DPYS: variants seen among roughly 807,000 people sequenced by gnomAD.
DPYS encodes dihydropyrimidinase, also known as dihydropyrimidine amidohydrolase.
A neutral mutation model predicts 50.3 loss-of-function variants in DPYS; 39 were observed. The observed-to-expected ratio is 0.78, with a 90% CI of 0.60 to 1.01. The LOEUF (loss-of-function observed/expected upper bound fraction) is 1.01. DPYS is among the 50% of genes least tolerant of loss of function. The pLI, the probability that DPYS is intolerant of heterozygous loss-of-function variation, is 0.00. For synonymous variants in DPYS, 245 were observed against 250.7 expected, an observed-to-expected ratio of 0.98 and a Z score of 0.22; for missense variants, 659 against 680.9, an observed-to-expected ratio of 0.97 and a Z score of 0.36.
At chr8:104,420,232 A>T (rs1812498671) in intron 7 of DPYS, 2 of 152,134 alleles carry the variant, frequency 1.3e-5, no homozygotes, top group African/African-American at 4.8e-5. Context: ...GGACAGTTAG[A>T]AAAGGCTAAA....
intron 8 of DPYS, among the ~76,000 whole-genome samples, chr8:104,388,075 T>A (rs749341249): frequency 9.9e-5 from 15 of 152,208 alleles, no homozygotes; most frequent in Non-Finnish European, 1.9e-4. Flanking sequence ...AAATTAGGAT[T>A]ATATGGCAAG....
At chr8:104,448,092 A>G (rs1037729668) in intron 2 of DPYS, among the ~76,000 whole-genome samples, 4 of 151,974 alleles carry the variant, frequency 2.6e-5, no homozygotes, top group African/African-American at 9.7e-5. Context: ...TTGGAAGCTC[A>G]GAGGCCTTCA....
chr8:104,422,978 CT>C (rs1224208734), intron 7 of DPYS, among the ~76,000 whole-genome samples: 1 of 152,190 alleles, frequency 6.6e-6, no homozygotes, highest in Non-Finnish European at 1.5e-5. Context: ...ATTTTTCTAG[CT>C]TTGTAGAGAA....
chr8:104,416,100 A>G (rs778489667), intron 7 of DPYS, among the ~76,000 whole-genome samples: 10 of 152,220 alleles, frequency 6.6e-5, no homozygotes, highest in Non-Finnish European at 1.3e-4. Flanking sequence ...AAATTAAATG[A>G]TATACCCAAG....
intron 8 of DPYS, among the ~76,000 whole-genome samples, chr8:104,383,396 C>T (rs1349697326): frequency 1.3e-5 from 2 of 152,310 alleles, no homozygotes; most frequent in African/African-American, 4.8e-5. Context: ...TCTCCCCCAG[C>T]AGACAGAGGG....
intron 6 of DPYS, among the ~76,000 whole-genome samples, chr8:104,424,763 G>C (rs957203154): frequency 6.6e-6 from 1 of 151,414 alleles, no homozygotes; most frequent in East Asian, 1.9e-4. Context: ...ACAGACCTAA[G>C]ATTTATGAGA....
intron 1 of DPYS, among the ~76,000 whole-genome samples, chr8:104,461,835 C>A (rs1814183306): frequency 1.3e-5 from 2 of 151,926 alleles, no homozygotes; most frequent in African/African-American, 4.8e-5. Context: ...AATGAGGCCA[C>A]AAAATCACAT....
intron 1 of DPYS, among the ~76,000 whole-genome samples, chr8:104,453,002 A>AG (rs1390922951): frequency 6.6e-6 from 1 of 152,098 alleles, no homozygotes; most frequent in Non-Finnish European, 1.5e-5. Context: ...ACAACACAGG[A>AG]GGGGGCAGTG....
Position 104,451,256 on chromosome 8 carries a change from C to G in DPYS, c.413G>C (p.Trp138Ser). ...DYSLHVAVTW[W>S]SDQVKEEMKI... is the part of the protein sequence containing the mutation. ...ATCCAGGTGCTTTACCTGGTCACTCCACCACGTCACTGCCACATGAAGGCT... is the reference window on the plus strand; with the variant it reads ...ATCCAGGTGCTTTACCTGGTCACTCGACCACGTCACTGCCACATGAAGGCT... Residue 138 changes from tryptophan to serine, a missense_variant, in exon 2 of 10, where the codon TGG becomes TCG. Physicochemically the swap from Trp to Ser is radical, Grantham distance 177. Transcript: ENST00000351513. 6.2e-7 allele frequency: 1 copy of G among 1,613,912 alleles called. No homozygotes were observed.
intron 2 of DPYS, among the ~76,000 whole-genome samples, chr8:104,450,176 A>AGGG (rs397798759): frequency 5.0e-4 from 73 of 147,404 alleles, no homozygotes; most frequent in African/African-American, 1.6e-3. Flanking sequence ...GGAGGGAGGG[A>AGGG]AAAGAAGAAG....
intron 4 of DPYS, among the ~76,000 whole-genome samples, chr8:104,436,120 G>C (rs980261454): frequency 6.6e-6 from 1 of 152,148 alleles, no homozygotes; most frequent in Non-Finnish European, 1.5e-5. Context: ...AAGCTGTCCA[G>C]TGACTATGCC....
intron 4 of DPYS, among the ~76,000 whole-genome samples, chr8:104,432,981 G>A (rs1377097913): frequency 1.3e-5 from 2 of 152,140 alleles, no homozygotes; most frequent in Non-Finnish European, 2.9e-5. Context: ...TTTAAAGTGA[G>A]GTCATTAGGG....
At chr8:104,450,073 C>T (rs1375535813) in intron 2 of DPYS, among the ~76,000 whole-genome samples, 1 of 147,034 alleles carries the variant, frequency 6.8e-6, no homozygotes, top group Non-Finnish European at 1.5e-5. Context: ...CACCTTTGCT[C>T]CATCTTATAA....
chr8:104,427,798 T>C (rs1484269242), intron 6 of DPYS, among the ~76,000 whole-genome samples, 182 bp downstream of exon 6: 1 of 152,238 alleles, frequency 6.6e-6, no homozygotes, highest in Non-Finnish European at 1.5e-5. Context: ...ATTATTTCTT[T>C]GCTGATGCTA....
chr8:104,403,370 C>A (rs994158410), intron 7 of DPYS, among the ~76,000 whole-genome samples: 2 of 152,184 alleles, frequency 1.3e-5, no homozygotes, highest in Non-Finnish European at 2.9e-5. Context: ...AGATTCCATT[C>A]CTTGGAATCC....
intron 7 of DPYS, among the ~76,000 whole-genome samples, chr8:104,409,840 C>T (rs34101301): frequency 0.2 from 30,869 of 152,128 alleles, 3,864 homozygotes; most frequent in Non-Finnish European, 0.27. Context: ...GAAAGAGCCT[C>T]GAAGAGGGGA....
At chr8:104,389,668 C>T (rs566558271) in intron 8 of DPYS, among the ~76,000 whole-genome samples, 1 of 152,002 alleles carries the variant, frequency 6.6e-6, no homozygotes, top group Non-Finnish European at 1.5e-5. Context: ...TACTGAGACT[C>T]AGCTTTCTAT....
intron 7 of DPYS, chr8:104,420,945 G>C (rs1170543140): frequency 1.3e-5 from 2 of 152,158 alleles, no homozygotes; most frequent in East Asian, 3.9e-4. Context: ...GTTCTTAGTT[G>C]ACAAAGCATT....
chr8:104,453,771 C>G (rs1035297162), intron 1 of DPYS, among the ~76,000 whole-genome samples: 9 of 152,078 alleles, frequency 5.9e-5, no homozygotes, highest in Admixed American at 5.2e-4. Flanking sequence ...TCCATGGTAG[C>G]CAAAAAGTAG....
Sources: gnomAD v4.1 joint callset for allele counts (sites outside exome capture counted in the v4.1 genomes callset) on GRCh38, gnomAD v4.1.1 for gene constraint, MANE v1.5 for transcripts, NCBI Gene and HGNC (gene_info 2026-07-23, HGNC 2026-07-21) for gene names.